Variants in AGL observed in about 807,000 individuals in gnomAD.
AGL encodes the protein glycogen debranching enzyme.
AGL carries 128 observed loss-of-function variants against 199.3 expected under a neutral mutation model. That is an observed-to-expected ratio of 0.64 (90% confidence interval 0.56 to 0.74). The LOEUF (loss-of-function observed/expected upper bound fraction) is 0.74. Among genes scored for constraint, AGL ranks in the 30% least tolerant of loss-of-function variants. AGL has a pLI of 0.00. For synonymous variants in AGL, 584 were observed against 594.7 expected, an observed-to-expected ratio of 0.98 and a Z score of 0.26; for missense variants, 1,809 against 1,820.8, an observed-to-expected ratio of 0.99 and a Z score of 0.12.
intron 24 of AGL, among the ~76,000 whole-genome samples, chr1:99,894,421 C>A (rs1296166811): frequency 1.3e-5 from 2 of 152,106 alleles, no homozygotes; most frequent in Non-Finnish European, 2.9e-5. Context: ...ATGTTTCATA[C>A]AAGGAATTAA....
chr1:99,879,635 T>C (rs978748087), intron 12 of AGL, among the ~76,000 whole-genome samples: 1 of 152,052 alleles, frequency 6.6e-6, no homozygotes, highest in Non-Finnish European at 1.5e-5. Context: ...GGAGAAAACC[T>C]AACAGAATTG....
intron 2 of AGL, among the ~76,000 whole-genome samples, chr1:99,856,392 CTCCTTCCTTCTT>C (rs1473399237): frequency 2.2e-5 from 3 of 134,192 alleles, no homozygotes; most frequent in Non-Finnish European, 4.7e-5. Flanking sequence ...CCCTCCCTCC[CTCCTTCCTTCTT>C]TCCTTCCTTC....
At chr1:99,893,670 T>G (rs1270408237) in intron 24 of AGL, among the ~76,000 whole-genome samples, 1 of 152,208 alleles carries the variant, frequency 6.6e-6, no homozygotes, top group Non-Finnish European at 1.5e-5. Context: ...AACTGTTACA[T>G]CTGACATACT....
At chr1:99,894,845 A>T (rs1035968670) in intron 24 of AGL, among the ~76,000 whole-genome samples, 1 of 152,186 alleles carries the variant, frequency 6.6e-6, no homozygotes, top group African/African-American at 2.4e-5. Flanking sequence ...ATGAATACAT[A>T]CTTGTTGGTG....
intron 5 of AGL, among the ~76,000 whole-genome samples, chr1:99,868,825 C>CT (rs374175804): frequency 0.43 from 57,977 of 135,448 alleles, 13,002 homozygotes; most frequent in South Asian, 0.54. Flanking sequence ...GGTATTTACT[C>CT]TTTTTTTTTT....
At chr1:99,874,404 G>A (rs1037807534) in intron 7 of AGL, 3 of 230,158 alleles carry the variant, frequency 1.3e-5, no homozygotes, top group Non-Finnish European at 2.5e-5. Flanking sequence ...AGAAAAGTGG[G>A]GGCTGAGATT....
Position 99,908,465 on chromosome 1 carries a change from T to C in AGL, c.3701-2247T>C, listed in dbSNP as rs144901926. Reference sequence around the variant, plus strand: ...AAGCATGAGTCTTCTAACTTTGTTCTTTTTCTAGATTGTTTTGGCTATTCA... The same window carrying C: ...AAGCATGAGTCTTCTAACTTTGTTCCTTTTCTAGATTGTTTTGGCTATTCA... On this transcript the variant is annotated intron_variant, in intron 27 of 33. Transcript: ENST00000361915. Among the ~76,000 whole-genome samples the C allele has an allele frequency of 2.6e-3, 398 of 152,302 alleles. 1 individual carries two copies. The highest frequency in any genetic ancestry group is 8.8e-3 in the African/African-American group (364 of 41,564).
At chr1:99,891,149 T>C (rs1351436482) in intron 21 of AGL, 71 bp from the exon 22 acceptor site, 10 of 1,589,256 alleles carry the variant, frequency 6.3e-6, no homozygotes, top group Non-Finnish European at 6.9e-6. Flanking sequence ...ACTAGCAGAA[T>C]AGGGACTAGA....
In AGL at chr1:99,881,046, A is replaced by G. The variant is rs770799580; in HGVS notation, c.1900-30A>G. ...AGCACTTTGCATTTGAAAGAAAGCA[A>G]ACTTTTGCTTTGTTGTTGTTGTCTT... On this transcript the variant is annotated intron_variant, in intron 14 of 33. Coordinates refer to ENST00000361915, the MANE Select transcript of AGL (RefSeq NM_000642.3). 7 of 1,579,824 alleles carry G rather than the reference A, an allele frequency of 4.4e-6. No homozygotes were observed. The African/African-American group carries it at 6.7e-5, about 15-fold the overall frequency.
chr1:99,874,782 A>G lies in AGL; in HGVS notation c.1054A>G (p.Ile352Val), dbSNP rs1651360894. ...GTTTGGCTGTACTGTAGATATGAACATTGCACTAACGACTTTCATACCACA... is the reference window on the plus strand; with the variant it reads ...GTTTGGCTGTACTGTAGATATGAACGTTGCACTAACGACTTTCATACCACA... ...RRFGCTVDMN[I>V]ALTTFIPHDK... Residue 352 changes from isoleucine to valine, a missense_variant, in exon 8 of 34, where the codon ATT becomes GTT. Coordinates refer to ENST00000361915, the MANE Select transcript of AGL (RefSeq NM_000642.3). 2.5e-6 allele frequency: 4 copies of G among 1,611,078 alleles called. No homozygotes were observed. Among genetic ancestry groups the G allele is most frequent in the Non-Finnish European group, 3.4e-6 (4 of 1,178,338 alleles).
At chr1:99,881,031 A>G in intron 14 of AGL, 45 bp from the exon 15 acceptor site, 2 of 1,504,186 alleles carry the variant, frequency 1.3e-6, no homozygotes, top group Non-Finnish European at 1.9e-6. Flanking sequence ...AGCACTTTGC[A>G]TTTGAAAGAA....
At chr1:99,869,819 C>A (rs1650833418) in intron 5 of AGL, among the ~76,000 whole-genome samples, 1 of 152,078 alleles carries the variant, frequency 6.6e-6, no homozygotes, top group Non-Finnish European at 1.5e-5. Context: ...TAAATTAAAA[C>A]AAATTATCTG....
chr1:99,871,659 C>T (rs1327730018), intron 7 of AGL, among the ~76,000 whole-genome samples: 1 of 152,108 alleles, frequency 6.6e-6, no homozygotes, highest in Non-Finnish European at 1.5e-5. Flanking sequence ...GATACTCAGT[C>T]AGCTTCATGC....
intron 2 of AGL, among the ~76,000 whole-genome samples, chr1:99,851,998 C>T (rs1648987294): frequency 6.6e-6 from 1 of 152,168 alleles, no homozygotes; most frequent in Admixed American, 6.5e-5. Context: ...CCATTTTTGG[C>T]TTTCCTGACT....
rs762157090 is a variant in AGL, at chr1:99,896,309, A to G, written c.3283A>G (p.Ile1095Val). ...AAGLPHFSSG[I>V]FRCWGRDTFI... ...AGGCTTACCTCATTTTTCTTCTGGT[A>G]TTTTCCGCTGCTGGGGAAGGGATAC... The change falls in exon 25 of 34, where the codon ATT becomes GTT. Residue 1095 changes from isoleucine (I) to valine (V), a missense_variant. Transcript: ENST00000361915. 1 of 1,613,772 alleles carries G rather than the reference A, an allele frequency of 6.2e-7. No homozygotes were observed. The highest frequency in any genetic ancestry group is 8.5e-7 in the Non-Finnish European group (1 of 1,179,920).
At chr1:99,864,646 A>G in intron 5 of AGL, 57 bp downstream of exon 5, 2 of 1,404,568 alleles carry the variant, frequency 1.4e-6, no homozygotes, top group Non-Finnish European at 2.0e-6. Context: ...GCACACACAC[A>G]TATACACACA....
rs1655514750 is a variant in AGL at position 99,921,586 on chromosome 1, C to T, written c.4534C>T (p.Pro1512Ser). The T allele has an allele frequency of 1.2e-6, 2 of 1,613,162 alleles. No homozygotes were observed. Among genetic ancestry groups the T allele is most frequent in the Non-Finnish European group, 8.5e-7 (1 of 1,179,458 alleles). ...ELTNENAQYC[P>S]FSCETQAWSI... ...GACCAATGAGAATGCCCAGTACTGT[C>T]CTTTCAGCTGTGAAACACAAGCCTG... Residue 1512 changes from proline (P) to serine (S), a missense_variant, in exon 34 of 34, where the codon CCT becomes TCT. Pro to Ser is a moderately conservative substitution (Grantham distance 74). Coordinates refer to ENST00000361915, the MANE Select transcript of AGL (RefSeq NM_000642.3).
chr1:99,895,748 G>C (rs1157877632), intron 24 of AGL, among the ~76,000 whole-genome samples: 1 of 152,200 alleles, frequency 6.6e-6, no homozygotes, highest in African/African-American at 2.4e-5. Context: ...AGCAAGTTGG[G>C]CAGATCACTT....
At position 99,891,722 on chromosome 1, in the gene AGL, A is replaced by G. The variant is rs970911908; in HGVS notation, c.3066A>G (p.Ala1022=). 2 of 1,613,442 alleles carry G rather than the reference A, an allele frequency of 1.2e-6. No individual in the cohort carries two copies. Among genetic ancestry groups the G allele is most frequent in the African/African-American group, 2.7e-5 (2 of 74,904 alleles). The stretch of plus-strand genomic sequence containing the variant: ...CATATACCACTCTTCTGGATACAGC[A>G]TGGAAGCAGATGTCAAGGTATATCC... ...IGAYTTLLDT[A]WKQMSSFVQN... The change falls in exon 23 of 34, where the codon GCA becomes GCG. Residue 1022 remains alanine, a synonymous_variant. Coordinates refer to ENST00000361915, the MANE Select transcript of AGL (RefSeq NM_000642.3).
Sources: allele counts gnomAD v4.1 joint callset (sites outside exome capture counted in the v4.1 genomes callset), GRCh38; gene constraint gnomAD v4.1.1; transcripts MANE v1.5; gene names NCBI Gene and HGNC (gene_info 2026-07-23, HGNC 2026-07-21).